C1QTNF2: variants seen among roughly 807,000 people sequenced by gnomAD.
C1QTNF2 encodes the protein complement C1q tumor necrosis factor-related protein 2.
A neutral mutation model predicts 17.4 loss-of-function variants in C1QTNF2; 15 were observed. The ratio of observed to expected loss-of-function variants is 0.86; its 90% CI spans 0.58 to 1.33. The LOEUF (loss-of-function observed/expected upper bound fraction) is 1.33, where lower values mean the gene tolerates loss of function less well. C1QTNF2 is among the 40% of genes most tolerant of loss of function. The pLI is 0.00. For synonymous variants in C1QTNF2, 154 were observed against 163.3 expected, an observed-to-expected ratio of 0.94 and a Z score of 0.44; for missense variants, 381 against 392.3, an observed-to-expected ratio of 0.97 and a Z score of 0.24.
chr5:160,354,124 C>T (rs1257242954), intron 2 of C1QTNF2, among the ~76,000 whole-genome samples: 1 of 152,036 alleles, frequency 6.6e-6, no homozygotes, highest in Admixed American at 6.6e-5. Context: ...GTTTTATGGG[C>T]TAATACATTC....
rs148493891 is a variant in C1QTNF2 at position 160,354,940 on chromosome 5, G to C, written c.72C>G (p.Arg24=). 9.6e-4 allele frequency: 1,533 copies of C among 1,595,698 alleles called. 3 individuals carry two copies. The highest frequency in any genetic ancestry group is 1.2e-3 in the Non-Finnish European group (1,398 of 1,171,672). Reference sequence around the variant, plus strand: ...GAGGGGAGCCTTTCCGGAAGTCCCTGCGAGCAAAGGCGCCAAGCAGTGGGT... The same window carrying C: ...GAGGGGAGCCTTTCCGGAAGTCCCTCCGAGCAAAGGCGCCAAGCAGTGGGT... The part of the protein sequence containing the change: ...AADPLLGAFA[R]RDFRKGSPQL... Residue 24 remains arginine (R), a synonymous_variant, in exon 2 of 3, where the codon CGC becomes CGG. Coordinates refer to ENST00000652664, the MANE Select transcript of C1QTNF2 (RefSeq NM_031908.6).
rs972014051 is a variant in C1QTNF2, at chr5:160,350,897, C to A, written c.245-1116G>T. 1.8e-4 allele frequency among the ~76,000 whole-genome samples: 28 copies of A among 152,074 alleles called. 1 individual carries two copies. The highest frequency in any genetic ancestry group is 4.1e-4 in the Non-Finnish European group (28 of 68,018). Reference sequence around the variant, plus strand: ...TCCTGAGTAGCTGGGACTACAGGCACCTGCCACCACGCCCGGCTAATTTTT... The same window carrying A: ...TCCTGAGTAGCTGGGACTACAGGCAACTGCCACCACGCCCGGCTAATTTTT... On this transcript the variant is annotated intron_variant, in intron 2 of 2. Coordinates refer to ENST00000652664, the MANE Select transcript of C1QTNF2 (RefSeq NM_031908.6).
Position 160,349,688 on chromosome 5 carries a change from AC to A in C1QTNF2, c.337del (p.Val113SerfsTer44), listed in dbSNP as rs1763877723. 2 of 1,610,362 alleles carry A rather than the reference AC, an allele frequency of 1.2e-6. No homozygotes were observed. The highest frequency in any genetic ancestry group is 2.2e-5 in the East Asian group (1 of 44,808). On this transcript the variant is annotated frameshift_variant, in exon 3 of 3. Coordinates refer to ENST00000652664, the MANE Select transcript of C1QTNF2 (RefSeq NM_031908.6). LOFTEE classifies it high-confidence loss of function. The surrounding 1 kb of genome is among the most constrained non-coding windows in gnomAD (Gnocchi z 4.3). Reference sequence around the variant, plus strand: ...GCCATGCTTCCCGGGGGTACCGTTGACCCCCTTGGGGCCACGGGGGCCAGCC... The same window carrying A: ...GCCATGCTTCCCGGGGGTACCGTTGACCCCTTGGGGCCACGGGGGCCAGCC... ...GRAGPRGPKGVNGTPGKHGTP... is the reference protein window; with the variant it reads ...GRAGPRGPKGXNGTPGKHGTP...
intron 2 of C1QTNF2, among the ~76,000 whole-genome samples, 170 bp downstream of exon 2, chr5:160,354,598 G>GTA (rs1172776724): frequency 0.092 from 2,791 of 30,388 alleles, 105 homozygotes; most frequent in Admixed American, 0.21. Context: ...AAAAAAAAAA[G>GTA]TATATATATA....
At chr5:160,354,608 A>ATATATATATG (rs1763999810) in intron 2 of C1QTNF2, among the ~76,000 whole-genome samples, 160 bp downstream of exon 2, 2 of 52,206 alleles carry the variant, frequency 3.8e-5, no homozygotes, top group African/African-American at 9.5e-5. Context: ...GTATATATAT[A>ATATATATATG]TATATATATA....
intron 1 of C1QTNF2, among the ~76,000 whole-genome samples, chr5:160,368,260 G>A (rs540388602): frequency 4.6e-5 from 7 of 152,298 alleles, no homozygotes; most frequent in East Asian, 1.9e-4. Flanking sequence ...TGGGCTGGGC[G>A]CGGTGGCTCA....
chr5:160,352,878 A>G (rs980267013), intron 2 of C1QTNF2, among the ~76,000 whole-genome samples: 4 of 152,250 alleles, frequency 2.6e-5, no homozygotes, highest in African/African-American at 7.2e-5. Flanking sequence ...TGTGAGCTCA[A>G]TAAGTCAATT....
At chr5:160,362,450 T>C (rs1764171509) in intron 1 of C1QTNF2, among the ~76,000 whole-genome samples, 1 of 152,226 alleles carries the variant, frequency 6.6e-6, no homozygotes, top group Admixed American at 6.5e-5. Flanking sequence ...CAAACACTTC[T>C]GCCCAACTCT....
chr5:160,355,772 T>G (rs1466557811), intron 1 of C1QTNF2, among the ~76,000 whole-genome samples: 1 of 152,112 alleles, frequency 6.6e-6, no homozygotes, highest in Non-Finnish European at 1.5e-5. Context: ...ACACAAGTTT[T>G]GTAAACTTTC....
intron 2 of C1QTNF2, among the ~76,000 whole-genome samples, chr5:160,352,812 A>T (rs1366019689): frequency 6.6e-6 from 1 of 152,228 alleles, no homozygotes; most frequent in African/African-American, 2.4e-5. Flanking sequence ...CTTTGAAGGA[A>T]TTAGTTTGGT....
Position 160,347,818 on chromosome 5 carries a change from G to A in C1QTNF2, c.*1350C>T, listed in dbSNP as rs1763830401. ...TCTGTTGCCCAGGCTGGAGTGCAGT[G>A]GCAGGATCTCAGCTAACTGCAACCT... On this transcript the variant is annotated 3_prime_UTR_variant, in exon 3 of 3. Transcript: ENST00000652664. 6.7e-6 allele frequency: 1 copy of A among 149,486 alleles called. No individual in the cohort carries two copies. Among genetic ancestry groups the A allele is most frequent in the African/African-American group, 2.5e-5 (1 of 40,494 alleles). 9.3% of individuals were successfully genotyped at this position (149,486 alleles called of 1,614,324 possible).
rs528794148 is a variant in C1QTNF2 at position 160,366,737 on chromosome 5, G to A, written c.-10+3775C>T. Among the ~76,000 whole-genome samples, 43 of 152,258 alleles carry A rather than the reference G, an allele frequency of 2.8e-4. 1 individual carries two copies. The South Asian group carries it at 8.3e-3, about 29-fold the overall frequency. ...TTTAACTTTTTGTTAATATTACAAT[G>A]TGCAGGCTGAGTGCGGCGGCTCACA... On this transcript the variant is annotated intron_variant, in intron 1 of 2. Transcript: ENST00000652664.
intron 1 of C1QTNF2, among the ~76,000 whole-genome samples, chr5:160,356,366 C>T (rs751088323): frequency 5.3e-5 from 8 of 152,248 alleles, no homozygotes; most frequent in Non-Finnish European, 1.0e-4. Context: ...TCCTAAACTT[C>T]AGTGCGCATC....
At chr5:160,350,628 C>A (rs368242017) in intron 2 of C1QTNF2, among the ~76,000 whole-genome samples, 475 of 152,148 alleles carry the variant, frequency 3.1e-3, no homozygotes, top group African/African-American at 0.011. Context: ...CTTGAGCCCA[C>A]GAGTTCCAGG....
chr5:160,349,777 T>A lies in C1QTNF2; in HGVS notation c.249A>T (p.Pro83=), dbSNP rs1763881558. The change falls in exon 3 of 3, where the codon CCA becomes CCT. Residue 83 remains proline, a synonymous_variant. Transcript: ENST00000652664. The surrounding 1 kb of genome is among the most constrained non-coding windows in gnomAD (Gnocchi z 4.3). ...GDRGDSGEEG[P]PGRTGNRGKP... is the part of the protein sequence containing the mutation. ...TTCCCCGGTTACCTGTCCGGCCAGGTGGACCTGGAAGACAGAGCAGCTGGT... is the reference window on the plus strand; with the variant it reads ...TTCCCCGGTTACCTGTCCGGCCAGGAGGACCTGGAAGACAGAGCAGCTGGT... 6.6e-7 allele frequency: 1 copy of A among 1,521,386 alleles called. No homozygotes were observed. The highest frequency in any genetic ancestry group is 8.7e-7 in the Non-Finnish European group (1 of 1,145,432). 94.2% of individuals were successfully genotyped at this position (1,521,386 alleles called of 1,614,324 possible). A position where few individuals can be genotyped will look rare whatever the true frequency, so the allele number is the denominator to read the frequency against.
Position 160,354,863 on chromosome 5 carries a change from G to C in C1QTNF2, c.149C>G (p.Ala50Gly). ...GPQGPPGPPGAPGPSGMMGRM... is the reference protein window; with the variant it reads ...GPQGPPGPPGGPGPSGMMGRM... Reference sequence around the variant, plus strand: ...TCCCATCATTCCTGAGGGCCCTGGGGCTCCTGGGGGGCCGGGTGGGCCCTG... The same window carrying C: ...TCCCATCATTCCTGAGGGCCCTGGGCCTCCTGGGGGGCCGGGTGGGCCCTG... Residue 50 changes from alanine to glycine, a missense_variant, in exon 2 of 3, where the codon GCC (alanine) becomes GGC (glycine). Physicochemically the swap from Ala to Gly is moderately conservative, Grantham distance 60. Coordinates refer to ENST00000652664, the MANE Select transcript of C1QTNF2 (RefSeq NM_031908.6). The C allele has an allele frequency of 6.2e-7, 1 of 1,609,666 alleles. No individual in the cohort carries two copies.
chr5:160,357,852 C>T (rs1214060684), intron 1 of C1QTNF2, among the ~76,000 whole-genome samples: 2 of 150,802 alleles, frequency 1.3e-5, no homozygotes, highest in Admixed American at 1.3e-4. Flanking sequence ...GAGAGCCAGC[C>T]GGACGAGAGA....
At chr5:160,369,911 G>A (rs904889218) in intron 1 of C1QTNF2, among the ~76,000 whole-genome samples, 13 of 152,184 alleles carry the variant, frequency 8.5e-5, no homozygotes, top group African/African-American at 2.9e-4. Flanking sequence ...AGAGTCATGA[G>A]GCATTGAGTA....
chr5:160,368,595 T>G (rs1344586848), intron 1 of C1QTNF2, among the ~76,000 whole-genome samples: 2 of 152,006 alleles, frequency 1.3e-5, no homozygotes, highest in African/African-American at 2.4e-5. Flanking sequence ...GAAGTTTGAT[T>G]TATGCAAGAG....
Sources: gnomAD v4.1 joint callset for allele counts (sites outside exome capture counted in the v4.1 genomes callset) on GRCh38, gnomAD v4.1.1 for gene constraint, Gnocchi (gnomAD v3.1) non-coding constraint, MANE v1.5 for transcripts, NCBI Gene and HGNC (gene_info 2026-07-23, HGNC 2026-07-21) for gene names.